GRK7: variants seen among roughly 807,000 people sequenced by gnomAD.
The protein encoded by GRK7 is G protein-coupled receptor kinase 7.
GRK7 carries 24 observed loss-of-function variants against 34.1 expected under a neutral mutation model. The observed-to-expected ratio is 0.70, with a 90% CI of 0.51 to 0.99. The LOEUF is 0.99. GRK7 is among the 50% of genes least tolerant of loss of function. The probability of loss-of-function intolerance (pLI) is 0.00; values close to 1 mark genes in which losing one functional copy is unlikely to be tolerated. For synonymous variants in GRK7, 256 were observed against 279.4 expected (o/e 0.92, Z 0.84); for missense variants, 644 against 707.3 (o/e 0.91, Z 1.02).
intron 1 of GRK7, among the ~76,000 whole-genome samples, chr3:141,771,215 G>A (rs749362573): frequency 2.0e-4 from 28 of 139,128 alleles, no homozygotes; most frequent in Admixed American, 9.0e-4. Flanking sequence ...GTGTGTGCAC[G>A]TGTGTGTGTG....
chr3:141,766,207 A>C (rs2084580180), intron 1 of GRK7, among the ~76,000 whole-genome samples: 1 of 151,148 alleles, frequency 6.6e-6, no homozygotes, highest in South Asian at 2.1e-4. Context: ...TCTGTCGTCC[A>C]GGCTGGAGTG....
At chr3:141,755,091 G>A in the GRK7 span, among the ~76,000 whole-genome samples, 1 of 152,218 alleles carries the variant, frequency 6.6e-6, no homozygotes, top group Non-Finnish European at 1.5e-5. Context: ...GTTCTAGAGA[G>A]TACCTGTTCT....
At chr3:141,791,210 G>A (rs2681693) in intron 4 of GRK7, among the ~76,000 whole-genome samples, 6 of 152,084 alleles carry the variant, frequency 3.9e-5, no homozygotes, top group African/African-American at 1.4e-4. Context: ...GGAGACAGAG[G>A]TTTGGTATTA....
In GRK7 at chr3:141,819,043, AT is replaced by A. The variant is rs146007277; in HGVS notation, c.*2004del. Among the ~76,000 whole-genome samples the A allele has an allele frequency of 0.05, 7,478 of 148,406 alleles. 170 individuals are homozygous for A. The highest frequency in any genetic ancestry group is 0.084 in the South Asian group (392 of 4,692). On this transcript the variant is annotated 3_prime_UTR_variant, in exon 6 of 6. Coordinates refer to ENST00000682958, the MANE Select transcript of GRK7 (RefSeq NM_139209.3). ...AGCAGGATAGAAGTGTGCCCAGGAG[AT>A]TTTTTTTTTTCCTGAAGTAAGAAAG...
rs982125329 is a variant in GRK7, at chr3:141,817,633, C to T, written c.*583C>T. 1 of 152,220 alleles carries T rather than the reference C, an allele frequency of 6.6e-6. No homozygotes were observed. The highest frequency in any genetic ancestry group is 1.5e-5 in the Non-Finnish European group (1 of 68,048). 9.4% of individuals were successfully genotyped at this position (152,220 alleles called of 1,614,324 possible). ...CAATTTTGTGGAAATAATTTACTAT[C>T]ATAATGTTGAAGCATTTTAAACATA... On this transcript the variant is annotated 3_prime_UTR_variant, in exon 6 of 6. Transcript: ENST00000682958.
intron 4 of GRK7, among the ~76,000 whole-genome samples, chr3:141,787,825 T>C (rs1446632623): frequency 7.1e-6 from 1 of 140,906 alleles, no homozygotes; most frequent in Non-Finnish European, 1.5e-5. Flanking sequence ...CTAGGCAACA[T>C]AGCAAGACTT....
At chr3:141,783,470 C>T (rs1266227672) in intron 4 of GRK7, among the ~76,000 whole-genome samples, 1 of 152,292 alleles carries the variant, frequency 6.6e-6, no homozygotes, top group East Asian at 1.9e-4. Context: ...AGGTAACTAG[C>T]AGCCTCTGCC....
chr3:141,818,794 AG>A lies in GRK7; in HGVS notation c.*1745del, dbSNP rs1217277776. Among the ~76,000 whole-genome samples the A allele has an allele frequency of 2.0e-5, 3 of 152,232 alleles. No homozygotes were observed. The highest frequency in any genetic ancestry group is 1.5e-5 in the Non-Finnish European group (1 of 68,036). ...GAGTTAAGGATTCAAGAGCTGCAAA[AG>A]TGCCGGTCAAAAAAATGTTGGTTAA... is the stretch of plus-strand genomic sequence containing the variant. On this transcript the variant is annotated 3_prime_UTR_variant, in exon 6 of 6. Transcript: ENST00000682958.
chr3:141,791,881 A>T (rs2084725984), intron 4 of GRK7, among the ~76,000 whole-genome samples: 1 of 151,092 alleles, frequency 6.6e-6, no homozygotes, highest in African/African-American at 2.4e-5. Flanking sequence ...GCGGGCCCCT[A>T]TAATCCCAGC....
At chr3:141,793,359 T>C (rs566225137) in intron 4 of GRK7, among the ~76,000 whole-genome samples, 2 of 152,266 alleles carry the variant, frequency 1.3e-5, no homozygotes, top group Non-Finnish European at 1.5e-5. Context: ...ATAATGGATT[T>C]GAATTAGAGG....
chr3:141,774,707 AG>A (rs1201466000), intron 2 of GRK7, among the ~76,000 whole-genome samples, 27 bp downstream of exon 2: 1 of 151,494 alleles, frequency 6.6e-6, no homozygotes, highest in Non-Finnish European at 1.5e-5. Context: ...AAATAATGGT[AG>A]GTACCATATT....
chr3:141,782,350 G>A (rs1482180717), intron 4 of GRK7, among the ~76,000 whole-genome samples: 1 of 152,150 alleles, frequency 6.6e-6, no homozygotes, highest in African/African-American at 2.4e-5. Context: ...GCTGGGTATG[G>A]GGGTGAGGGG....
chr3:141,800,431 A>G (rs1011804288), intron 4 of GRK7, among the ~76,000 whole-genome samples: 5 of 152,082 alleles, frequency 3.3e-5, no homozygotes, highest in Non-Finnish European at 7.4e-5. Flanking sequence ...GACAGAACCA[A>G]AACAATCAGA....
rs1477843842 is a variant in GRK7, at chr3:141,765,718, C to A, written c.-235C>A. 6.6e-6 allele frequency among the ~76,000 whole-genome samples: 1 copy of A among 152,146 alleles called. No individual in the cohort carries two copies. Among genetic ancestry groups the A allele is most frequent in the African/African-American group, 2.4e-5 (1 of 41,446 alleles). ...CACCCACCGATCCCCCAGCTGAATG[C>A]AACCATAAGAGTGAGTCCAGGTGAG... is the stretch of plus-strand genomic sequence containing the variant. On this transcript the variant is annotated 5_prime_UTR_variant, in exon 1 of 6. Coordinates refer to ENST00000682958, the MANE Select transcript of GRK7 (RefSeq NM_139209.3).
intron 4 of GRK7, among the ~76,000 whole-genome samples, chr3:141,804,905 G>T (rs562427234): frequency 1.4e-5 from 2 of 146,906 alleles, no homozygotes; most frequent in Non-Finnish European, 3.0e-5. Context: ...TAACACATAC[G>T]CATGCTCACA....
At position 141,765,163 on chromosome 3, in the gene GRK7, C is replaced by T. The variant is rs908928197; in HGVS notation, c.-790C>T. ...TCTGTTTCCTCTCTGAGGACATTTC[C>T]TGCTGCGGGCCCCTCACTCTGGGCC... On this transcript the variant is annotated 5_prime_UTR_variant, in exon 1 of 6. Transcript: ENST00000682958. Among the ~76,000 whole-genome samples the T allele has an allele frequency of 6.6e-6, 1 of 152,180 alleles. No homozygotes were observed.
chr3:141,750,387 A>G, the GRK7 span, among the ~76,000 whole-genome samples: 1 of 152,238 alleles, frequency 6.6e-6, no homozygotes, highest in African/African-American at 2.4e-5. Context: ...ACAGTTTCAT[A>G]GTCAGCGCAG....
intron 4 of GRK7, among the ~76,000 whole-genome samples, chr3:141,792,002 TAAAAAAAAAAAA>T (rs11324121): frequency 2.5e-5 from 2 of 81,484 alleles, no homozygotes; most frequent in South Asian, 4.5e-4. Flanking sequence ...AGACTCCATC[TAAAAAAAAAAAA>T]AAAAAAAAAA....
intron 4 of GRK7, among the ~76,000 whole-genome samples, chr3:141,792,639 T>G (rs2084729946): frequency 6.6e-6 from 1 of 152,182 alleles, no homozygotes; most frequent in Non-Finnish European, 1.5e-5. Context: ...GGAAACAGAC[T>G]GAGACAGATT....
Sources: gnomAD v4.1 joint callset for allele counts (sites outside exome capture counted in the v4.1 genomes callset) on GRCh38, gnomAD v4.1.1 for gene constraint, MANE v1.5 for transcripts, NCBI Gene and HGNC (gene_info 2026-07-23, HGNC 2026-07-21) for gene names.